TEKT5: variants seen among roughly 807,000 people sequenced by gnomAD.
TEKT5 encodes the protein tektin-5.
In TEKT5, 52 loss-of-function variants were observed where a neutral mutation model predicts 48.7. The observed-to-expected ratio is 1.07, with a 90% confidence interval of 0.86 to 1.35. The LOEUF is 1.35. TEKT5 is among the 40% of genes most tolerant of loss of function. TEKT5 has a pLI of 0.00. For synonymous variants in TEKT5, 318 were observed against 267.6 expected, an observed-to-expected ratio of 1.19 and a Z score of -1.84; for missense variants, 831 against 641.6, an observed-to-expected ratio of 1.30 and a Z score of -3.19.
At chr16:10,664,963 A>C (rs1001530970) in intron 5 of TEKT5, among the ~76,000 whole-genome samples, 2 of 152,188 alleles carry the variant, frequency 1.3e-5, no homozygotes, top group Non-Finnish European at 2.9e-5. Flanking sequence ...AGAGGAAAAA[A>C]CTGAAGCACA....
intron 4 of TEKT5, among the ~76,000 whole-genome samples, chr16:10,677,164 C>T (rs1898661769): frequency 6.6e-6 from 1 of 152,218 alleles, no homozygotes; most frequent in African/African-American, 2.4e-5. Context: ...GCACTCCAGC[C>T]TGGGCAACAC....
chr16:10,667,054 G>C (rs976440105), intron 5 of TEKT5, among the ~76,000 whole-genome samples: 6 of 145,590 alleles, frequency 4.1e-5, no homozygotes, highest in Non-Finnish European at 8.9e-5. Flanking sequence ...CACAATCACA[G>C]CTCACCAAAG....
At chr16:10,683,281 G>T (rs1401133655) in intron 3 of TEKT5, among the ~76,000 whole-genome samples, 2 of 152,146 alleles carry the variant, frequency 1.3e-5, no homozygotes, top group African/African-American at 4.8e-5. Context: ...CAGGAACTGG[G>T]TGGAGTCAGG....
chr16:10,632,096 G>A (rs1897848390), intron 6 of TEKT5, among the ~76,000 whole-genome samples: 1 of 152,174 alleles, frequency 6.6e-6, no homozygotes, highest in African/African-American at 2.4e-5. Flanking sequence ...CTGGGCTAGA[G>A]AGAAGCAAAG....
chr16:10,645,976 A>G (rs1168675736), intron 5 of TEKT5, among the ~76,000 whole-genome samples: 1 of 151,916 alleles, frequency 6.6e-6, no homozygotes, highest in Non-Finnish European at 1.5e-5. Context: ...TACAGAAAAA[A>G]AAGAAAAACT....
intron 5 of TEKT5, among the ~76,000 whole-genome samples, chr16:10,659,522 G>A (rs1898324514): frequency 6.6e-6 from 1 of 152,036 alleles, no homozygotes; most frequent in Non-Finnish European, 1.5e-5. Flanking sequence ...TGGGACTACA[G>A]GTGCCCACCA....
Position 10,694,469 on chromosome 16 carries a change from C to T in TEKT5, c.405G>A (p.Glu135=), listed in dbSNP as rs761081079. The part of the protein sequence containing the change: ...DKDQLTHQMQ[E]GTCRNLGQRL... Reference sequence around the variant, plus strand: ...TCTGGCCCAGGTTCCGGCAGGTGCCCTCCTGCATCTGGTGCGTCAGCTGGT... The same window carrying T: ...TCTGGCCCAGGTTCCGGCAGGTGCCTTCCTGCATCTGGTGCGTCAGCTGGT... Residue 135 remains glutamate, a synonymous_variant, in exon 1 of 7, where the codon GAG becomes GAA. Transcript: ENST00000283025. The T allele has an allele frequency of 6.2e-7, 1 of 1,614,150 alleles. No homozygotes were observed. The highest frequency in any genetic ancestry group is 8.5e-7 in the Non-Finnish European group (1 of 1,180,022).
At chr16:10,648,771 G>A (rs1211258203) in intron 5 of TEKT5, among the ~76,000 whole-genome samples, 1 of 152,188 alleles carries the variant, frequency 6.6e-6, no homozygotes, top group Non-Finnish European at 1.5e-5. Flanking sequence ...TGGCCATCTT[G>A]CATGGTTCAC....
In TEKT5 at chr16:10,677,468, G is replaced by A. The variant is rs865975296; in HGVS notation, c.864-1287C>T. ...CTACTAAAAATATAAAAATTAGCCG[G>A]GTGTGGTGGCACACGCCTGTAATCC... On this transcript the variant is annotated intron_variant, in intron 4 of 6. Transcript: ENST00000283025. Among the ~76,000 whole-genome samples, 12 of 146,158 alleles carry A rather than the reference G, an allele frequency of 8.2e-5. 2 individuals are homozygous for A. The highest frequency in any genetic ancestry group is 3.5e-3 in the Middle Eastern group (1 of 288).
chr16:10,644,197 C>T (rs773566206), intron 5 of TEKT5, among the ~76,000 whole-genome samples: 5 of 152,294 alleles, frequency 3.3e-5, no homozygotes, highest in South Asian at 4.1e-4. Context: ...TTACAAAGTC[C>T]TTTCCCATCT....
chr16:10,680,907 C>A (rs1198518251), intron 4 of TEKT5, among the ~76,000 whole-genome samples: 3 of 149,628 alleles, frequency 2.0e-5, no homozygotes, highest in African/African-American at 7.4e-5. Flanking sequence ...ATACCTAATG[C>A]TAGATGACGA....
chr16:10,633,140 C>T (rs1897863599), intron 6 of TEKT5, among the ~76,000 whole-genome samples: 1 of 152,216 alleles, frequency 6.6e-6, no homozygotes, highest in Non-Finnish European at 1.5e-5. Flanking sequence ...GTGGCTGGAT[C>T]ACTTGAGGTT....
In TEKT5 at chr16:10,673,567, G is replaced by C. The variant is rs62025832; in HGVS notation, c.1086+2392C>G. Among the ~76,000 whole-genome samples the C allele has an allele frequency of 6.5e-3, 981 of 151,388 alleles. 6 individuals are homozygous for C. The highest frequency in any genetic ancestry group is 9.9e-3 in the Non-Finnish European group (672 of 67,942). Reference sequence around the variant, plus strand: ...CCCTTTTCTGGTCCTTCTTCCACTTGATGTCACCACCACAGCACAGGCAGC... The same window carrying C: ...CCCTTTTCTGGTCCTTCTTCCACTTCATGTCACCACCACAGCACAGGCAGC... On this transcript the variant is annotated intron_variant, in intron 5 of 6. Coordinates refer to ENST00000283025, the MANE Select transcript of TEKT5 (RefSeq NM_144674.2).
intron 5 of TEKT5, among the ~76,000 whole-genome samples, chr16:10,669,832 G>A (rs1055432409): frequency 6.6e-6 from 1 of 152,200 alleles, no homozygotes; most frequent in Non-Finnish European, 1.5e-5. Context: ...GGGTCTCAGA[G>A]GAATCAGCAC....
intron 3 of TEKT5, among the ~76,000 whole-genome samples, chr16:10,688,638 G>A (rs1248515150): frequency 5.9e-5 from 9 of 152,208 alleles, no homozygotes; most frequent in Admixed American, 5.2e-4. Flanking sequence ...GCTTTCGGGG[G>A]AGCTGGTGCC....
intron 5 of TEKT5, among the ~76,000 whole-genome samples, chr16:10,672,804 T>C (rs564328171): frequency 6.6e-6 from 1 of 152,296 alleles, no homozygotes; most frequent in African/African-American, 2.4e-5. Flanking sequence ...TCAGGTGTTA[T>C]GCCTGCATTA....
At position 10,656,142 on chromosome 16, in the gene TEKT5, T is replaced by G. The variant is rs1312216298; in HGVS notation, c.1086+19817A>C. Among the ~76,000 whole-genome samples, 3 of 152,224 alleles carry G rather than the reference T, an allele frequency of 2.0e-5. No homozygotes were observed. The East Asian group carries it at 5.8e-4, about 29-fold the overall frequency. On this transcript the variant is annotated intron_variant, in intron 5 of 6. Transcript: ENST00000283025. The stretch of plus-strand genomic sequence containing the variant: ...GCCTCCCTGGTCTCTACCCACTAGA[T>G]GCCAGTAGCACCCACTTCCAGTGTG...
chr16:10,645,353 T>C (rs1049659829), intron 5 of TEKT5, among the ~76,000 whole-genome samples: 5 of 151,012 alleles, frequency 3.3e-5, no homozygotes, highest in Non-Finnish European at 7.4e-5. Context: ...CTACAAAAAA[T>C]ACAAAAAAAT....
intron 5 of TEKT5, among the ~76,000 whole-genome samples, chr16:10,643,307 A>G (rs1898021954): frequency 1.3e-5 from 2 of 152,004 alleles, no homozygotes; most frequent in South Asian, 2.1e-4. Context: ...TGAGCCTATG[A>G]GTTTGAGGCT....
Sources: gnomAD v4.1 joint callset for allele counts (sites outside exome capture counted in the v4.1 genomes callset) on GRCh38, gnomAD v4.1.1 for gene constraint, MANE v1.5 for transcripts, NCBI Gene and HGNC (gene_info 2026-07-23, HGNC 2026-07-21) for gene names.